Variants in DLG2 observed in about 807,000 individuals in gnomAD.
The protein encoded by DLG2 is disks large homolog 2.
DLG2 carries 45 observed loss-of-function variants against 132.5 expected under a neutral mutation model. That is an observed-to-expected ratio of 0.34 (90% CI 0.27 to 0.44). The LOEUF (loss-of-function observed/expected upper bound fraction) is 0.44. Ranked by LOEUF, DLG2 falls within the 20% of genes least tolerant of loss-of-function variation. The pLI is 1.00. For missense variants in DLG2, 1,045 were observed against 1,196.9 expected (o/e 0.87, Z 1.87); for synonymous variants, 424 against 419.6 (o/e 1.01, Z -0.13).
chr11:83,963,102 T>A, intron 13 of DLG2, 79 bp from the exon 14 acceptor site: 1 of 1,487,034 alleles, frequency 6.7e-7, no homozygotes, highest in Non-Finnish European at 9.3e-7. Flanking sequence ...CAGAAAAATG[T>A]ATTAAAAACA....
intron 6 of DLG2, among the ~76,000 whole-genome samples, chr11:84,803,893 TTA>T (rs1474244143): frequency 2.0e-5 from 3 of 152,208 alleles, no homozygotes; most frequent in Admixed American, 6.5e-5. Context: ...CTGTTCTGCT[TTA>T]TGTCTAGTAT....
intron 9 of DLG2, among the ~76,000 whole-genome samples, chr11:84,152,130 T>C (rs1400773945): frequency 1.3e-5 from 2 of 152,196 alleles, no homozygotes; most frequent in Non-Finnish European, 2.9e-5. Flanking sequence ...ATCTATCTAA[T>C]ACTGTCAGTA....
At chr11:83,586,505 C>CT (rs2097089575) in intron 19 of DLG2, among the ~76,000 whole-genome samples, 4 of 152,174 alleles carry the variant, frequency 2.6e-5, no homozygotes. Context: ...ATAACTGTGT[C>CT]TATAAAATAT....
At chr11:83,477,429 G>A (rs1282131216) in intron 22 of DLG2, among the ~76,000 whole-genome samples, 1 of 152,044 alleles carries the variant, frequency 6.6e-6, no homozygotes. Flanking sequence ...ATTTTATAAT[G>A]CTTGAGATGA....
chr11:84,743,094 G>C (rs1293834618), intron 6 of DLG2, among the ~76,000 whole-genome samples: 1 of 152,038 alleles, frequency 6.6e-6, no homozygotes, highest in Admixed American at 6.5e-5. Context: ...TAAATTCACA[G>C]GAAGTTGTAA....
Position 84,954,577 on chromosome 11 carries a change from G to A in DLG2, c.357+157084C>T, listed in dbSNP as rs557000023. On this transcript the variant is annotated intron_variant, in intron 6 of 27. Transcript: ENST00000376104. ...TTTATTGAGCAGAGGTTATAAGCAG[G>A]AATTCATATTGAATAGATTTTGGTG... 2.0e-5 allele frequency among the ~76,000 whole-genome samples: 3 copies of A among 152,278 alleles called. No individual in the cohort carries two copies. The South Asian group carries it at 6.2e-4, about 32-fold the overall frequency.
chr11:85,117,143 T>C (rs1829501193), intron 5 of DLG2, among the ~76,000 whole-genome samples: 1 of 152,014 alleles, frequency 6.6e-6, no homozygotes. Context: ...GTAACACCTG[T>C]CAAGACAACC....
Position 84,585,859 on chromosome 11 carries a change from G to A in DLG2, c.358-51128C>T, listed in dbSNP as rs554968147. ...ATTTTTTAACTCTTGACATTAAAACGTATCTTATAGCGTTAACGCTGTGGG... is the reference window on the plus strand; with the variant it reads ...ATTTTTTAACTCTTGACATTAAAACATATCTTATAGCGTTAACGCTGTGGG... On this transcript the variant is annotated intron_variant, in intron 6 of 27. Transcript: ENST00000376104. 9.2e-5 allele frequency among the ~76,000 whole-genome samples: 14 copies of A among 152,260 alleles called. No individual in the cohort carries two copies. The South Asian group carries it at 2.1e-3, about 23-fold the overall frequency.
chr11:83,619,524 T>C (rs923267323), intron 19 of DLG2, among the ~76,000 whole-genome samples: 2 of 152,132 alleles, frequency 1.3e-5, no homozygotes, highest in Admixed American at 6.6e-5. Context: ...TTGGTTTCAT[T>C]AACTGTAAAA....
intron 10 of DLG2, among the ~76,000 whole-genome samples, chr11:84,085,613 G>A (rs2096965954): frequency 6.6e-6 from 1 of 152,198 alleles, no homozygotes. Flanking sequence ...TAGCTAGTTA[G>A]TGGCAGAGAT....
chr11:84,370,597 C>A (rs1400685765), intron 7 of DLG2, among the ~76,000 whole-genome samples: 1 of 152,178 alleles, frequency 6.6e-6, no homozygotes, highest in African/African-American at 2.4e-5. Context: ...CAGAAAGCAT[C>A]AAATCCTTTT....
At chr11:84,273,959 T>C (rs979008986) in intron 7 of DLG2, among the ~76,000 whole-genome samples, 1 of 152,180 alleles carries the variant, frequency 6.6e-6, no homozygotes, top group Non-Finnish European at 1.5e-5. Context: ...ATGTTGCCTA[T>C]ATATTGAAGA....
At chr11:83,693,949 G>A (rs2081430435) in intron 18 of DLG2, 1 of 152,162 alleles carries the variant, frequency 6.6e-6, no homozygotes, top group South Asian at 2.1e-4. Flanking sequence ...AAAACCCAAA[G>A]GGCATGTAAA....
In DLG2 at chr11:85,095,830, C is replaced by T. The variant is rs183886120; in HGVS notation, c.357+15831G>A. Among the ~76,000 whole-genome samples, 239 of 152,302 alleles carry T rather than the reference C, an allele frequency of 1.6e-3. 2 individuals carry two copies. Among genetic ancestry groups the T allele is most frequent in the East Asian group, 9.7e-4 (5 of 5,172 alleles). On this transcript the variant is annotated intron_variant, in intron 6 of 27. Transcript: ENST00000376104. ...CCTCTTACAGCACTCATATAAAATTCATCTCCATGCCTTGGCATGTTCACT... is the reference window on the plus strand; with the variant it reads ...CCTCTTACAGCACTCATATAAAATTTATCTCCATGCCTTGGCATGTTCACT...
intron 6 of DLG2, among the ~76,000 whole-genome samples, chr11:84,826,891 TC>T (rs1463065666): frequency 6.6e-6 from 1 of 151,904 alleles, no homozygotes; most frequent in African/African-American, 2.4e-5. Flanking sequence ...TCAATATTTC[TC>T]CTTGTCTATA....
intron 18 of DLG2, among the ~76,000 whole-genome samples, chr11:83,781,144 G>A (rs947007782): frequency 6.6e-6 from 1 of 152,162 alleles, no homozygotes; most frequent in Admixed American, 6.5e-5. Flanking sequence ...TCAGATGCCT[G>A]CATAGCTTAC....
chr11:83,592,420 T>C (rs2097204004), intron 19 of DLG2, among the ~76,000 whole-genome samples: 1 of 149,020 alleles, frequency 6.7e-6, no homozygotes, highest in Non-Finnish European at 1.5e-5. Context: ...TAAATGGTGC[T>C]GGGAAAACTG....
intron 16 of DLG2, among the ~76,000 whole-genome samples, chr11:83,859,770 G>A (rs1268023365): frequency 6.6e-6 from 1 of 152,184 alleles, no homozygotes; most frequent in Non-Finnish European, 1.5e-5. Flanking sequence ...CAGAGACCTA[G>A]ATCTTTATGG....
At chr11:84,526,227 A>G (rs2099320120) in intron 7 of DLG2, among the ~76,000 whole-genome samples, 1 of 152,194 alleles carries the variant, frequency 6.6e-6, no homozygotes, top group South Asian at 2.1e-4. Context: ...AAATCCTTCA[A>G]TAAGTTAATG....
Sources: gnomAD v4.1 joint callset for allele counts (sites outside exome capture counted in the v4.1 genomes callset) on GRCh38, gnomAD v4.1.1 for gene constraint, MANE v1.5 for transcripts, NCBI Gene and HGNC (gene_info 2026-07-23, HGNC 2026-07-21) for gene names.